ZDHHC11: variants seen among roughly 807,000 people sequenced by gnomAD.
ZDHHC11 encodes the protein palmitoyltransferase ZDHHC11.
Under a neutral mutation model 51.3 loss-of-function variants are expected in ZDHHC11, and 44 were observed. The observed-to-expected ratio is 0.86, with a 90% CI of 0.67 to 1.10. The LOEUF is 1.10. Ranked by LOEUF, ZDHHC11 falls within the 50% of genes least tolerant of loss-of-function variation. ZDHHC11 has a pLI of 0.00. For synonymous variants in ZDHHC11, 163 were observed against 222.0 expected (o/e 0.73, Z 2.36); for missense variants, 400 against 537.7 (o/e 0.74, Z 2.53).
upstream of ZDHHC11, among the ~76,000 whole-genome samples, chr5:855,572 G>A (rs573248796): frequency 2.7e-5 from 4 of 147,340 alleles, no homozygotes; most frequent in East Asian, 4.2e-4. Flanking sequence ...ACAGCAAGCC[G>A]GGGGGACAGA....
At chr5:801,312 G>A in intron 11 of ZDHHC11, 148 bp from the exon 12 acceptor site, 3 of 1,032,128 alleles carry the variant, frequency 2.9e-6, no homozygotes, top group Non-Finnish European at 4.2e-6. Context: ...CTGAGTTTCA[G>A]AGCCTTCATT....
Position 850,283 on chromosome 5 carries a change from G to A in ZDHHC11, c.222+98C>T, listed in dbSNP as rs187648378. On this transcript the variant is annotated intron_variant, in intron 1 of 12. Transcript: ENST00000283441. Reference sequence around the variant, plus strand: ...GTCTGGCCCAGGGCAGGTGACTGGTGCCACCGGGCAGCCATGGCCCAGACC... The same window carrying A: ...GTCTGGCCCAGGGCAGGTGACTGGTACCACCGGGCAGCCATGGCCCAGACC... The A allele has an allele frequency of 1.6e-3, 2,187 of 1,381,542 alleles. 25 individuals carry two copies. The African/African-American group carries it at 0.025, about 16-fold the overall frequency. The allele number at this position is 1,381,542 out of a possible 1,614,324, so 85.6% of individuals were successfully genotyped here. A position where few individuals can be genotyped will look rare whatever the true frequency, so the allele number is the denominator to read the frequency against.
intron 7 of ZDHHC11, among the ~76,000 whole-genome samples, chr5:829,704 T>C (rs657573): frequency 0.011 from 1,484 of 139,090 alleles, 20 homozygotes; most frequent in African/African-American, 0.013. Flanking sequence ...AACTACAGAC[T>C]AATATCCCTC....
chr5:814,779 G>A lies in ZDHHC11; in HGVS notation c.1163C>T (p.Pro388Leu), dbSNP rs778647556. Residue 388 changes from proline (P) to leucine (L), a missense_variant, in exon 11 of 13, where the codon CCG becomes CTG. Physicochemically the swap from Pro to Leu is moderately conservative, Grantham distance 98 (BLOSUM62 -3). Transcript: ENST00000283441. ...GSMAQEADDA[P>L]SISTLGLQQE... ...AACTTACCCAAGTGTAGATATACTC[G>A]GGGCATCATCTGCTTCCTGTGGGGG... The A allele has an allele frequency of 1.6e-5, 25 of 1,556,730 alleles. No individual in the cohort carries two copies. Among genetic ancestry groups the A allele is most frequent in the Middle Eastern group, 1.7e-4 (1 of 5,946 alleles).
intron 1 of ZDHHC11, among the ~76,000 whole-genome samples, chr5:856,179 CACGTA>C (rs1748208683): frequency 6.6e-6 from 1 of 151,844 alleles, no homozygotes; most frequent in Admixed American, 6.6e-5. Flanking sequence ...CCACACAGAC[CACGTA>C]CCACACACAC....
In ZDHHC11 at chr5:795,955, C is replaced by CTGTATGCCCATTTCCCAGTAA. The variant is rs1393040118; in HGVS notation, c.*632_*633insTTACTGGGAAATGGGCATACA. On this transcript the variant is annotated 3_prime_UTR_variant, in exon 13 of 13. Transcript: ENST00000283441. Reference sequence around the variant, plus strand: ...TACTGTGTGCTCCCATTTCTCAGTACTGTATGCCCATTTCCCAGTACTGTG... The same window carrying CTGTATGCCCATTTCCCAGTAA: ...TACTGTGTGCTCCCATTTCTCAGTACTGTATGCCCATTTCCCAGTAATGTATGCCCATTTCCCAGTACTGTG... The CTGTATGCCCATTTCCCAGTAA allele has an allele frequency of 2.0e-5, 3 of 153,378 alleles. No individual in the cohort carries two copies. The highest frequency in any genetic ancestry group is 4.4e-5 in the Non-Finnish European group (3 of 67,936). 9.5% of individuals were successfully genotyped at this position (153,378 alleles called of 1,614,324 possible). A position where few individuals can be genotyped will look rare whatever the true frequency, so the allele number is the denominator to read the frequency against.
chr5:797,227 T>C (rs1396552553), intron 12 of ZDHHC11, among the ~76,000 whole-genome samples: 2 of 79,546 alleles, frequency 2.5e-5, no homozygotes, highest in African/African-American at 9.7e-5. Context: ...TGTGTGTGTG[T>C]ATATATATAT....
At position 796,415 on chromosome 5, in the gene ZDHHC11, G is replaced by A. The variant is rs1178759091; in HGVS notation, c.*173C>T. ...TGGATGCTGGGCTCTGAGGGTCCTG[G>A]TTCCTTCGAAGGACATCCAGGGGCC... On this transcript the variant is annotated 3_prime_UTR_variant, in exon 13 of 13. Coordinates refer to ENST00000283441, the MANE Select transcript of ZDHHC11 (RefSeq NM_024786.3). 1 of 149,812 alleles carries A rather than the reference G, an allele frequency of 6.7e-6. No homozygotes were observed. The highest frequency in any genetic ancestry group is 2.5e-5 in the African/African-American group (1 of 40,530). The allele number at this position is 149,812 out of a possible 1,614,324, so 9.3% of individuals were successfully genotyped here.
chr5:844,767 A>T (rs1745847955), intron 3 of ZDHHC11, among the ~76,000 whole-genome samples: 1 of 152,306 alleles, frequency 6.6e-6, no homozygotes, highest in South Asian at 2.1e-4. Context: ...GGTCTCGTGC[A>T]AATCTGAGCC....
chr5:831,365 C>T (rs889597050), intron 7 of ZDHHC11, among the ~76,000 whole-genome samples: 3 of 149,522 alleles, frequency 2.0e-5, no homozygotes, highest in Non-Finnish European at 3.0e-5. Context: ...AGGCAGATCA[C>T]TTGAAGTCAA....
In ZDHHC11 at chr5:850,677, C is replaced by T; in HGVS notation, c.-75G>A. On this transcript the variant is annotated 5_prime_UTR_variant, in exon 1 of 13. Coordinates refer to ENST00000283441, the MANE Select transcript of ZDHHC11 (RefSeq NM_024786.3). ...CGGCCCCGCCCACTGTCACAGAGAC[C>T]AAGGGGACTGGGAATGCAGCCGCCA... 6.4e-7 allele frequency: 1 copy of T among 1,556,654 alleles called. No homozygotes were observed. The highest frequency in any genetic ancestry group is 8.7e-7 in the Non-Finnish European group (1 of 1,143,848).
intron 6 of ZDHHC11, among the ~76,000 whole-genome samples, chr5:835,914 AT>A (rs11361175): frequency 0.058 from 8,798 of 151,602 alleles, 365 homozygotes; most frequent in African/African-American, 0.084. Flanking sequence ...GCGAGCGTGT[AT>A]TTTAATATGT....
chr5:803,291 C>T (rs1738753273), intron 11 of ZDHHC11, among the ~76,000 whole-genome samples: 3 of 151,416 alleles, frequency 2.0e-5, no homozygotes, highest in Non-Finnish European at 4.4e-5. Context: ...TGGCTTCCTC[C>T]AGCAGCATCC....
chr5:797,021 T>C (rs984805215), intron 12 of ZDHHC11, among the ~76,000 whole-genome samples: 2 of 151,334 alleles, frequency 1.3e-5, no homozygotes, highest in African/African-American at 2.4e-5. Flanking sequence ...TCCTGGCTAA[T>C]ACAGTGAACC....
upstream of ZDHHC11, chr5:850,990 T>C (rs1747141701): frequency 3.5e-6 from 1 of 284,654 alleles, no homozygotes; most frequent in South Asian, 6.0e-5. Context: ...CGTTCACGAA[T>C]ACACAGGCCC....
chr5:802,871 A>AAAAAAAAC (rs1561228376), intron 11 of ZDHHC11, among the ~76,000 whole-genome samples: 1 of 114,246 alleles, frequency 8.8e-6, no homozygotes, highest in African/African-American at 3.8e-5. Context: ...AAAAAAAAAA[A>AAAAAAAAC]AAAGCTAAAT....
chr5:815,023 T>A (rs199568979), intron 10 of ZDHHC11, among the ~76,000 whole-genome samples: 12,440 of 150,518 alleles, frequency 0.083, 896 homozygotes, highest in Admixed American at 0.2. Flanking sequence ...ACATCCTGAC[T>A]CCCAGTACCT....
At chr5:809,014 C>CA (rs1554050773) in intron 11 of ZDHHC11, among the ~76,000 whole-genome samples, 3 of 139,102 alleles carry the variant, frequency 2.2e-5, no homozygotes, top group Admixed American at 1.4e-4. Flanking sequence ...CACACACACA[C>CA]GCACACTATT....
At chr5:855,881 A>G (rs544658517), upstream of ZDHHC11, among the ~76,000 whole-genome samples, 1 of 148,758 alleles carries the variant, frequency 6.7e-6, no homozygotes, top group South Asian at 2.1e-4. Context: ...CACAGACCCC[A>G]CAGAGGACAG....
Sources: allele counts gnomAD v4.1 joint callset (sites outside exome capture counted in the v4.1 genomes callset), GRCh38; gene constraint gnomAD v4.1.1; transcripts MANE v1.5; gene names NCBI Gene and HGNC (gene_info 2026-07-23, HGNC 2026-07-21).